The following RNF212B variants were observed in gnomAD, a reference collection of about 807,000 sequenced individuals.
RNF212B encodes E3 ubiquitin-protein ligase RNF212B.
RNF212B carries 52 observed loss-of-function variants against 55.5 expected under a neutral mutation model. The observed-to-expected ratio is 0.94, with a 90% CI of 0.75 to 1.18. The LOEUF (loss-of-function observed/expected upper bound fraction) is 1.18. Among genes scored for constraint, RNF212B ranks in the 50% most tolerant of loss-of-function variants. The probability of loss-of-function intolerance (pLI) is 0.00; values close to 1 mark genes in which losing one functional copy is unlikely to be tolerated. For synonymous variants in RNF212B, 99 were observed against 121.4 expected (o/e 0.82, Z 1.21); for missense variants, 289 against 350.4 (o/e 0.82, Z 1.40).
In RNF212B at chr14:23,215,441, C is replaced by G. The variant is rs180717913; in HGVS notation, c.-2+22040C>G. Among the ~76,000 whole-genome samples, 229 of 152,226 alleles carry G rather than the reference C, an allele frequency of 1.5e-3. 1 individual carries two copies. Among genetic ancestry groups the G allele is most frequent in the Admixed American group, 5.9e-4 (9 of 15,290 alleles). ...CAATTCTTAAACCCAGGAATTTGAG[C>G]TTACAATGAGACATGATTGTGTCAC... On this transcript the variant is annotated intron_variant, in intron 2 of 15. Transcript: ENST00000399910.
rs577698830 is a variant in RNF212B at position 23,260,844 on chromosome 14, A to C, written c.434+157A>C. Among the ~76,000 whole-genome samples the C allele has an allele frequency of 3.9e-5, 6 of 152,352 alleles. No homozygotes were observed. In the East Asian group the frequency reaches 9.6e-4, roughly 24 times the overall value. On this transcript the variant is annotated intron_variant, in intron 7 of 14. Transcript: ENST00000430154. ...TAGTTACTGAAAGTGCCGAAGTAAA[A>C]TCTTAATTGTAATGCTCACCCTGGA...
rs1353103827 is a variant in RNF212B at position 23,244,388 on chromosome 14, A to G, written c.220A>G (p.Ile74Val). 2 of 1,535,820 alleles carry G rather than the reference A, an allele frequency of 1.3e-6. No homozygotes were observed. Among genetic ancestry groups the G allele is most frequent in the Non-Finnish European group, 1.8e-6 (2 of 1,137,974 alleles). ...GACAGCTTTGCAGTATTTTAGTCACATCTCTCAGGTATGAGAAACAAAAGT... is the reference window on the plus strand; with the variant it reads ...GACAGCTTTGCAGTATTTTAGTCACGTCTCTCAGGTATGAGAAACAAAAGT... Reference protein sequence around the residue: ...VETALQYFSHISQVWSFQKKQ... With the variant: ...VETALQYFSHVSQVWSFQKKQ... The change falls in exon 4 of 15, where the codon ATC becomes GTC. Residue 74 changes from isoleucine to valine, a missense_variant. Physicochemically the swap from Ile to Val is conservative, Grantham distance 29. Coordinates refer to ENST00000430154, the MANE Select transcript of RNF212B (RefSeq NM_001282322.3).
intron 4 of RNF212B, among the ~76,000 whole-genome samples, chr14:23,254,631 A>G (rs554727288): frequency 3.2e-4 from 48 of 152,152 alleles, no homozygotes; most frequent in Non-Finnish European, 6.6e-4. Context: ...TGAGTTCAAG[A>G]TATCTGCCCA....
At chr14:23,255,951 T>C (rs1050072376) in intron 4 of RNF212B, among the ~76,000 whole-genome samples, 1 of 152,210 alleles carries the variant, frequency 6.6e-6, no homozygotes, top group Non-Finnish European at 1.5e-5. Flanking sequence ...TCTTTAATAC[T>C]CCTTGCTGGT....
Position 23,264,619 on chromosome 14 carries a change from T to C in RNF212B, c.586-4T>C. 7.4e-7 allele frequency: 1 copy of C among 1,342,784 alleles called. No individual in the cohort carries two copies. The highest frequency in any genetic ancestry group is 9.6e-7 in the Non-Finnish European group (1 of 1,039,258). The allele number at this position is 1,342,784 out of a possible 1,614,324, so 83.2% of individuals were successfully genotyped here. On this transcript the variant is annotated splice_region_variant and splice_polypyrimidine_tract_variant and intron_variant, in intron 10 of 14. Transcript: ENST00000430154. ...TTAATTGATGCTTATTATTTGTCTA[T>C]CAGGGAGGCAGAGGTCTGCAGGGAA...
At position 23,238,771 on chromosome 14, in the gene RNF212B, A is replaced by ATCATCATC. The variant is rs774466922; in HGVS notation, c.-2+716_-2+717insTCATCATC. Among the ~76,000 whole-genome samples, 772 of 112,024 alleles carry ATCATCATC rather than the reference A, an allele frequency of 6.9e-3. 12 individuals are homozygous for ATCATCATC. The highest frequency in any genetic ancestry group is 0.048 in the East Asian group (170 of 3,542). The allele number at this position is 112,024 out of a possible 152,430, so 73.5% of individuals were successfully genotyped here. ...TAATAATAATAATAATAATAATAAT[A>ATCATCATC]ATAATAATAATCCCACAAAGAAACC... On this transcript the variant is annotated intron_variant, in intron 1 of 14. Transcript: ENST00000430154.
chr14:23,209,739 C>A (rs1016988107), intron 2 of RNF212B, among the ~76,000 whole-genome samples: 2 of 144,316 alleles, frequency 1.4e-5, no homozygotes, highest in Admixed American at 7.4e-5. Flanking sequence ...AGTGGAGAAA[C>A]CTGGCAACCA....
At chr14:23,221,060 GA>G (rs201140593) in intron 2 of RNF212B, among the ~76,000 whole-genome samples, 1 of 151,722 alleles carries the variant, frequency 6.6e-6, no homozygotes, top group Non-Finnish European at 1.5e-5. Context: ...CTGAATGGAT[GA>G]AAAAAAGACA....
At chr14:23,266,412 T>TG (rs201981562) in intron 11 of RNF212B, among the ~76,000 whole-genome samples, 21,591 of 135,646 alleles carry the variant, frequency 0.16, 2,133 homozygotes, top group South Asian at 0.25. Context: ...ATGTTTTTTT[T>TG]TTTTTTTTTT....
chr14:23,215,336 G>A (rs1880961203), intron 2 of RNF212B, among the ~76,000 whole-genome samples: 1 of 152,096 alleles, frequency 6.6e-6, no homozygotes, highest in Non-Finnish European at 1.5e-5. Flanking sequence ...GTTCTTTATA[G>A]CAGCATCAAG....
chr14:23,202,409 C>T (rs548888575), intron 2 of RNF212B, among the ~76,000 whole-genome samples: 1 of 152,298 alleles, frequency 6.6e-6, no homozygotes, highest in East Asian at 1.9e-4. Context: ...TCGGCCCTTA[C>T]AATCTTTGAT....
At chr14:23,193,382 A>G (rs1414507396) in exon 2 of RNF212B, 2 of 152,192 alleles carry the variant, frequency 1.3e-5, no homozygotes, top group African/African-American at 4.8e-5. Flanking sequence ...GAGGAAGAAG[A>G]CCCTGAGTTC....
At position 23,267,573 on chromosome 14, in the gene RNF212B, C is replaced by T. The variant is rs151029188; in HGVS notation, c.635-1351C>T. Among the ~76,000 whole-genome samples the T allele has an allele frequency of 3.6e-3, 550 of 152,144 alleles. 4 individuals carry two copies. The highest frequency in any genetic ancestry group is 0.012 in the African/African-American group (517 of 41,502). ...CCTCTTTAGTAGCTGGGATTATAGG[C>T]ATGTGCCACCACGCCTAGCTAATTT... On this transcript the variant is annotated intron_variant, in intron 11 of 14. Transcript: ENST00000430154.
In RNF212B at chr14:23,264,641, GGAA is replaced by G; in HGVS notation, c.606_608del (p.Arg204del). The G allele has an allele frequency of 7.5e-7, 1 of 1,336,160 alleles. No individual in the cohort carries two copies. The highest frequency in any genetic ancestry group is 9.7e-7 in the Non-Finnish European group (1 of 1,036,038). 82.8% of individuals were successfully genotyped at this position (1,336,160 alleles called of 1,614,324 possible). On this transcript the variant is annotated inframe_deletion, in exon 11 of 15. Transcript: ENST00000430154. ...CTATCAGGGAGGCAGAGGTCTGCAG[GGAA>G]GGAGAACTCCCAGAGACTCTTATAA... is the stretch of plus-strand genomic sequence containing the variant.
intron 1 of RNF212B, among the ~76,000 whole-genome samples, chr14:23,187,606 T>C (rs1260008416): frequency 6.6e-6 from 1 of 152,172 alleles, no homozygotes; most frequent in Non-Finnish European, 1.5e-5. Flanking sequence ...TTTTTTTTTC[T>C]AGATCCAATA....
intron 12 of RNF212B, among the ~76,000 whole-genome samples, chr14:23,269,179 C>T (rs901304532): frequency 6.6e-6 from 1 of 152,322 alleles, no homozygotes; most frequent in East Asian, 1.9e-4. Context: ...TGTCACGTGC[C>T]TGTAATCCCA....
intron 2 of RNF212B, among the ~76,000 whole-genome samples, chr14:23,213,039 A>G (rs907111368): frequency 4.0e-5 from 6 of 150,924 alleles, no homozygotes; most frequent in Admixed American, 6.6e-5. Context: ...CAGGCCGGGC[A>G]TGGTGGGTTA....
chr14:23,220,625 A>G (rs1483261757), intron 2 of RNF212B, among the ~76,000 whole-genome samples: 2 of 152,114 alleles, frequency 1.3e-5, no homozygotes, highest in Non-Finnish European at 2.9e-5. Context: ...GGAGATCGAG[A>G]TCACCCTGGC....
chr14:23,212,155 G>GA (rs1880584703), intron 2 of RNF212B, among the ~76,000 whole-genome samples: 1 of 152,224 alleles, frequency 6.6e-6, no homozygotes, highest in Non-Finnish European at 1.5e-5. Context: ...GCACTTAGGA[G>GA]AAAATTGTAG....
Sources: allele counts gnomAD v4.1 joint callset (sites outside exome capture counted in the v4.1 genomes callset), GRCh38; gene constraint gnomAD v4.1.1; transcripts MANE v1.5; gene names NCBI Gene and HGNC (gene_info 2026-07-23, HGNC 2026-07-21).